Variants in HHAT observed in about 807,000 individuals in gnomAD.
The protein encoded by HHAT is protein-cysteine N-palmitoyltransferase HHAT.
In HHAT, 47 loss-of-function variants were observed where a neutral mutation model predicts 70.8. That is an observed-to-expected ratio of 0.66 (90% CI 0.53 to 0.85). HHAT has a LOEUF of 0.85. Among genes scored for constraint, HHAT ranks in the 40% least tolerant of loss-of-function variants. The probability of loss-of-function intolerance (pLI) is 0.00; values close to 1 mark genes in which losing one functional copy is unlikely to be tolerated. For synonymous variants in HHAT, 228 were observed against 247.6 expected (o/e 0.92, Z 0.74); for missense variants, 609 against 604.8 (o/e 1.01, Z -0.07).
At chr1:210,363,289 G>C (rs2088560751) in intron 3 of HHAT, among the ~76,000 whole-genome samples, 1 of 152,168 alleles carries the variant, frequency 6.6e-6, no homozygotes, top group Non-Finnish European at 1.5e-5. Context: ...TCTGGCCTCT[G>C]AGTGTCCCTG....
chr1:210,528,291 C>T (rs1167557442), intron 9 of HHAT, among the ~76,000 whole-genome samples: 1 of 152,140 alleles, frequency 6.6e-6, no homozygotes, highest in African/African-American at 2.4e-5. Context: ...GCATATCAAA[C>T]CCCTGTGGTA....
At chr1:210,591,333 C>T (rs78409123) in intron 10 of HHAT, among the ~76,000 whole-genome samples, 1,712 of 152,190 alleles carry the variant, frequency 0.011, 47 homozygotes, top group African/African-American at 0.039. Flanking sequence ...TGGCTTATTT[C>T]CCTTAATTAC....
At position 210,388,601 on chromosome 1, in the gene HHAT, T is replaced by C. The variant is rs964165256; in HGVS notation, c.273+1020T>C. Among the ~76,000 whole-genome samples, 21 of 152,256 alleles carry C rather than the reference T, an allele frequency of 1.4e-4. 1 individual carries two copies. In the East Asian group the frequency reaches 4.1e-3, roughly 29 times the overall value. On this transcript the variant is annotated intron_variant, in intron 4 of 11. Coordinates refer to ENST00000261458, the MANE Select transcript of HHAT (RefSeq NM_018194.6). ...TGCTGAACTGGCAAAATCCAAAATA[T>C]TAGATGTTGTCAGATCTGAGTATAT...
intron 9 of HHAT, among the ~76,000 whole-genome samples, chr1:210,562,644 G>GT (rs1348373464): frequency 1.3e-5 from 2 of 150,240 alleles, no homozygotes; most frequent in Non-Finnish European, 2.9e-5. Context: ...CCTGTGGTGG[G>GT]TTTTTTTCTT....
At chr1:210,581,860 A>G (rs1659335552) in intron 9 of HHAT, among the ~76,000 whole-genome samples, 1 of 152,232 alleles carries the variant, frequency 6.6e-6, no homozygotes, top group African/African-American at 2.4e-5. Flanking sequence ...CGAGGCTATC[A>G]GCAGTAAATG....
chr1:210,477,332 C>G (rs1417217056), intron 8 of HHAT, among the ~76,000 whole-genome samples: 1 of 152,210 alleles, frequency 6.6e-6, no homozygotes, highest in East Asian at 1.9e-4. Flanking sequence ...CTGTATATGA[C>G]TTCTCCCCTT....
intron 9 of HHAT, among the ~76,000 whole-genome samples, chr1:210,553,279 T>G (rs2095543313): frequency 6.6e-6 from 1 of 152,186 alleles, no homozygotes; most frequent in Admixed American, 6.5e-5. Context: ...TGTGTCCATT[T>G]GCTCTTCTTC....
chr1:210,593,749 A>G (rs1662291089), intron 10 of HHAT, among the ~76,000 whole-genome samples: 1 of 152,074 alleles, frequency 6.6e-6, no homozygotes, highest in Admixed American at 6.6e-5. Context: ...TGGATGATCT[A>G]ATTCTGAAAG....
chr1:210,490,979 A>G (rs535866806), intron 8 of HHAT, among the ~76,000 whole-genome samples: 204 of 152,206 alleles, frequency 1.3e-3, no homozygotes, highest in African/African-American at 4.7e-3. Context: ...GAAACAGCCA[A>G]TATGTGTTTA....
At chr1:210,503,350 G>A in intron 8 of HHAT, among the ~76,000 whole-genome samples, 1 of 152,170 alleles carries the variant, frequency 6.6e-6, no homozygotes. Context: ...GGACACAGTA[G>A]GTGAGAGGTA....
chr1:210,354,513 A>C (rs529849718), intron 2 of HHAT, among the ~76,000 whole-genome samples: 96 of 152,054 alleles, frequency 6.3e-4, no homozygotes, highest in Non-Finnish European at 1.1e-3. Flanking sequence ...TCTTTTGTTA[A>C]AATTTATTTT....
chr1:210,547,291 A>C (rs1477991077), intron 9 of HHAT, among the ~76,000 whole-genome samples: 1 of 152,168 alleles, frequency 6.6e-6, no homozygotes, highest in Non-Finnish European at 1.5e-5. Context: ...GTGCCATTGC[A>C]CTCCAGCCTG....
chr1:210,346,085 A>AT (rs2086499110), intron 1 of HHAT, among the ~76,000 whole-genome samples: 1 of 149,894 alleles, frequency 6.7e-6, no homozygotes, highest in Non-Finnish European at 1.5e-5. Context: ...AAAAAAAAAA[A>AT]GCAGCACCAA....
At chr1:210,615,256 G>T (rs1667447717) in intron 10 of HHAT, among the ~76,000 whole-genome samples, 1 of 152,028 alleles carries the variant, frequency 6.6e-6, no homozygotes, top group Non-Finnish European at 1.5e-5. Context: ...TTTTTGATGG[G>T]GTTGTTTTTT....
At chr1:210,359,261 G>C (rs2087984010) in intron 2 of HHAT, among the ~76,000 whole-genome samples, 3 of 152,144 alleles carry the variant, frequency 2.0e-5, no homozygotes, top group Admixed American at 2.0e-4. Flanking sequence ...CCCTCCCTAA[G>C]AATAAAACTG....
At chr1:210,613,762 A>G (rs1667071567) in intron 10 of HHAT, among the ~76,000 whole-genome samples, 1 of 152,172 alleles carries the variant, frequency 6.6e-6, no homozygotes, top group Non-Finnish European at 1.5e-5. Flanking sequence ...TCATGCCTAT[A>G]ATTCCAGCAC....
In HHAT at chr1:210,623,609, C is replaced by A; in HGVS notation, c.1329C>A (p.Asn443Lys). ...CCACCTCGATGCTGATCCTGTCCAA[C>A]CTGGTATTTCTTGGGGGCAATGAGG... is the stretch of plus-strand genomic sequence containing the variant. ...SCSTSMLILS[N>K]LVFLGGNEVG... The change falls in exon 11 of 12, where the codon AAC (asparagine) becomes AAA (lysine). Residue 443 changes from asparagine to lysine, a missense_variant. Asn to Lys is a moderately conservative substitution (Grantham distance 94, BLOSUM62 0). Transcript: ENST00000261458. 6.2e-7 allele frequency: 1 copy of A among 1,614,040 alleles called. No individual in the cohort carries two copies. The highest frequency in any genetic ancestry group is 1.3e-5 in the African/African-American group (1 of 75,024).
intron 11 of HHAT, among the ~76,000 whole-genome samples, chr1:210,658,552 A>G (rs1676952357): frequency 6.6e-6 from 1 of 152,142 alleles, no homozygotes; most frequent in Non-Finnish European, 1.5e-5. Context: ...TGATCTGTCT[A>G]ATATTGACAT....
intron 10 of HHAT, among the ~76,000 whole-genome samples, chr1:210,611,754 T>A (rs534088651): frequency 1.8e-4 from 28 of 152,330 alleles, no homozygotes; most frequent in Middle Eastern, 3.4e-3. Flanking sequence ...CTGCATCTAT[T>A]GTGATAATCA....
Sources: allele counts gnomAD v4.1 joint callset (sites outside exome capture counted in the v4.1 genomes callset), GRCh38; gene constraint gnomAD v4.1.1; transcripts MANE v1.5; gene names NCBI Gene and HGNC (gene_info 2026-07-23, HGNC 2026-07-21).